ATXN7L1: variants seen among roughly 807,000 people sequenced by gnomAD.
ATXN7L1 encodes the protein ataxin 7 like 1.
ATXN7L1 carries 15 observed loss-of-function variants against 70.8 expected under a neutral mutation model. The observed-to-expected ratio is 0.21, with a 90% confidence interval of 0.14 to 0.33. The LOEUF (loss-of-function observed/expected upper bound fraction) is 0.33. Among genes scored for constraint, ATXN7L1 ranks in the 10% least tolerant of loss-of-function variants. ATXN7L1 has a pLI of 1.00. For synonymous variants in ATXN7L1, 440 were observed against 445.1 expected (o/e 0.99, Z 0.14); for missense variants, 975 against 1,097.1 (o/e 0.89, Z 1.57).
chr7:105,725,804 C>A (rs964166142), intron 3 of ATXN7L1, among the ~76,000 whole-genome samples: 2 of 151,914 alleles, frequency 1.3e-5, no homozygotes, highest in Non-Finnish European at 2.9e-5. Context: ...TGGTCTCGAA[C>A]TCCCGACCTC....
intron 4 of ATXN7L1, among the ~76,000 whole-genome samples, chr7:105,655,012 G>A (rs1256315736): frequency 1.3e-5 from 2 of 151,378 alleles, no homozygotes; most frequent in African/African-American, 4.9e-5. Flanking sequence ...CCAAAGTGCT[G>A]GGATTACAGG....
chr7:105,773,187 A>T (rs1470143068), intron 3 of ATXN7L1, among the ~76,000 whole-genome samples: 3 of 152,222 alleles, frequency 2.0e-5, no homozygotes, highest in Admixed American at 6.5e-5. Context: ...CAGGGGTATC[A>T]CAAGAAGCAG....
At chr7:105,662,394 G>A (rs569058811) in intron 4 of ATXN7L1, among the ~76,000 whole-genome samples, 4 of 152,232 alleles carry the variant, frequency 2.6e-5, no homozygotes, top group African/African-American at 7.2e-5. Context: ...GAGCCACTGC[G>A]CCCAGTCAGA....
At chr7:105,818,426 G>T (rs1809528764) in intron 2 of ATXN7L1, among the ~76,000 whole-genome samples, 1 of 151,736 alleles carries the variant, frequency 6.6e-6, no homozygotes, top group Middle Eastern at 3.4e-3. Context: ...AAAGTGCTGG[G>T]ATTACAGCAT....
At chr7:105,832,496 G>A (rs909571397) in intron 2 of ATXN7L1, among the ~76,000 whole-genome samples, 1 of 152,150 alleles carries the variant, frequency 6.6e-6, no homozygotes, top group Non-Finnish European at 1.5e-5. Flanking sequence ...CTCAGTGAGT[G>A]TAAATCGATT....
intron 4 of ATXN7L1, among the ~76,000 whole-genome samples, chr7:105,645,994 G>A (rs1393212028): frequency 6.0e-5 from 9 of 149,322 alleles, no homozygotes; most frequent in East Asian, 5.9e-4. Context: ...GCGACAGAGC[G>A]AGTCTCTGTC....
At chr7:105,805,140 A>G (rs1260867942) in intron 2 of ATXN7L1, among the ~76,000 whole-genome samples, 1 of 152,250 alleles carries the variant, frequency 6.6e-6, no homozygotes, top group Non-Finnish European at 1.5e-5. Flanking sequence ...GGCTAACCTG[A>G]GCCAGACAGT....
intron 2 of ATXN7L1, among the ~76,000 whole-genome samples, chr7:105,836,178 G>T (rs894401883): frequency 2.6e-5 from 4 of 152,278 alleles, no homozygotes; most frequent in Non-Finnish European, 5.9e-5. Flanking sequence ...GGGCTATGGG[G>T]GACCAGAGAT....
chr7:105,798,687 C>G (rs1806349148), intron 2 of ATXN7L1, among the ~76,000 whole-genome samples: 1 of 152,200 alleles, frequency 6.6e-6, no homozygotes, highest in Non-Finnish European at 1.5e-5. Flanking sequence ...TGAAGATCTC[C>G]TTGTAGGCAA....
At chr7:105,689,733 C>T (rs529064933) in intron 3 of ATXN7L1, among the ~76,000 whole-genome samples, 18 of 152,330 alleles carry the variant, frequency 1.2e-4, no homozygotes, top group African/African-American at 3.8e-4. Flanking sequence ...CCCTTAGCAT[C>T]GTGTCATAGC....
chr7:105,751,543 G>A (rs953032468), intron 3 of ATXN7L1, among the ~76,000 whole-genome samples: 9 of 152,088 alleles, frequency 5.9e-5, no homozygotes, highest in African/African-American at 1.7e-4. Flanking sequence ...GACTGAGGTG[G>A]GAGGATTGAA....
At chr7:105,871,061 A>G (rs1395139105) in intron 2 of ATXN7L1, among the ~76,000 whole-genome samples, 1 of 147,060 alleles carries the variant, frequency 6.8e-6, no homozygotes, top group African/African-American at 2.5e-5. Context: ...GTAGTTTAAG[A>G]TATTTTTAAT....
chr7:105,820,275 C>G (rs1055091434), intron 2 of ATXN7L1, among the ~76,000 whole-genome samples: 4 of 152,102 alleles, frequency 2.6e-5, no homozygotes, highest in African/African-American at 7.2e-5. Flanking sequence ...TACCTATCAC[C>G]AGCAAGTCAT....
At chr7:105,716,770 C>T (rs1794615434) in intron 3 of ATXN7L1, among the ~76,000 whole-genome samples, 1 of 150,684 alleles carries the variant, frequency 6.6e-6, no homozygotes, top group Non-Finnish European at 1.5e-5. Context: ...GTCCCAGCTA[C>T]TTGAGGGGGT....
At chr7:105,649,617 T>C (rs1380821970) in intron 4 of ATXN7L1, 1 of 984,028 alleles carries the variant, frequency 1.0e-6, no homozygotes, top group African/African-American at 1.7e-5. Flanking sequence ...GCCACCAATG[T>C]GCCGCAGGGC....
chr7:105,870,217 G>A (rs1818049272), intron 2 of ATXN7L1, among the ~76,000 whole-genome samples: 1 of 150,774 alleles, frequency 6.6e-6, no homozygotes, highest in East Asian at 1.9e-4. Context: ...GGGAGGTGGA[G>A]GTCGCAGTGA....
chr7:105,685,190 G>A (rs1020985467), intron 3 of ATXN7L1, among the ~76,000 whole-genome samples: 6 of 152,208 alleles, frequency 3.9e-5, no homozygotes, highest in African/African-American at 1.4e-4. Flanking sequence ...CCAAGAGCTG[G>A]AGTCCAAATC....
chr7:105,855,285 C>T (rs1485882693), intron 2 of ATXN7L1, among the ~76,000 whole-genome samples: 1 of 152,176 alleles, frequency 6.6e-6, no homozygotes, highest in African/African-American at 2.4e-5. Context: ...CTACTCCATG[C>T]AGGCATTGTA....
chr7:105,620,330 A>G lies in ATXN7L1; in HGVS notation c.1396-9T>C, dbSNP rs1794733643. 5 of 1,528,806 alleles carry G rather than the reference A, an allele frequency of 3.3e-6. No individual in the cohort carries two copies. The highest frequency in any genetic ancestry group is 1.4e-5 in the African/African-American group (1 of 71,506). The allele number at this position is 1,528,806 out of a possible 1,614,324, so 94.7% of individuals were successfully genotyped here. A position where few individuals can be genotyped will look rare whatever the true frequency, so the allele number is the denominator to read the frequency against. ...CTCCCAAATGAGCAAAACTGTGAGG[A>G]AAAAAAAATTTTAATTTTGATTACA... On this transcript the variant is annotated splice_polypyrimidine_tract_variant and intron_variant, in intron 8 of 11. Coordinates refer to ENST00000419735, the MANE Select transcript of ATXN7L1 (RefSeq NM_020725.2).
Sources: allele counts gnomAD v4.1 joint callset (sites outside exome capture counted in the v4.1 genomes callset), GRCh38; gene constraint gnomAD v4.1.1; transcripts MANE v1.5; gene names NCBI Gene and HGNC (gene_info 2026-07-23, HGNC 2026-07-21).